LRRK1: variants seen among roughly 807,000 people sequenced by gnomAD.
LRRK1 encodes leucine-rich repeat serine/threonine-protein kinase 1.
LRRK1 carries 113 observed loss-of-function variants against 209.1 expected under a neutral mutation model. That is an observed-to-expected ratio of 0.54 (90% CI 0.46 to 0.63). LRRK1 has a LOEUF of 0.63. Among genes scored for constraint, LRRK1 ranks in the 30% least tolerant of loss-of-function variants. LRRK1 has a pLI of 0.00. For missense variants in LRRK1, 2,284 were observed against 2,632.2 expected, an observed-to-expected ratio of 0.87 and a Z score of 2.89; for synonymous variants, 1,144 against 1,099.7, an observed-to-expected ratio of 1.04 and a Z score of -0.80.
At chr15:100,921,104 C>G (rs1237432400) in intron 1 of LRRK1, among the ~76,000 whole-genome samples, 3 of 152,174 alleles carry the variant, frequency 2.0e-5, no homozygotes, top group African/African-American at 7.2e-5. Context: ...TTTAATTTCT[C>G]CTTAATTATC....
chr15:100,959,430 G>A (rs967925567), intron 2 of LRRK1, among the ~76,000 whole-genome samples: 1 of 152,212 alleles, frequency 6.6e-6, no homozygotes, highest in Non-Finnish European at 1.5e-5. Context: ...GAGGCAGCCC[G>A]CTGGGAAATT....
In LRRK1 at chr15:101,069,528, AC is replaced by A. The variant is rs2036707148; in HGVS notation, c.*683del. ...GCCCAGAGGCACACAGTCCGAGTGCACCCGCTTAGCCTTTACATTCCTCTCC... is the reference window on the plus strand; with the variant it reads ...GCCCAGAGGCACACAGTCCGAGTGCACCGCTTAGCCTTTACATTCCTCTCC... On this transcript the variant is annotated 3_prime_UTR_variant, in exon 34 of 34. Transcript: ENST00000388948. The A allele has an allele frequency of 6.6e-6, 1 of 152,620 alleles. No homozygotes were observed. Among genetic ancestry groups the A allele is most frequent in the Non-Finnish European group, 1.5e-5 (1 of 68,112 alleles). 9.5% of individuals were successfully genotyped at this position (152,620 alleles called of 1,614,324 possible).
chr15:100,989,200 T>A, intron 5 of LRRK1, 50 bp from the exon 6 acceptor site: 7 of 1,489,224 alleles, frequency 4.7e-6, no homozygotes, highest in South Asian at 3.5e-5. Context: ...TTCCAACGAC[T>A]GTGACACTAG....
rs551936542 is a variant in LRRK1, at chr15:100,978,294, C to T, written c.261+4327C>T. Among the ~76,000 whole-genome samples, 111 of 152,204 alleles carry T rather than the reference C, an allele frequency of 7.3e-4. 1 individual carries two copies. The highest frequency in any genetic ancestry group is 1.5e-3 in the Admixed American group (23 of 15,284). On this transcript the variant is annotated intron_variant, in intron 3 of 33. Transcript: ENST00000388948. ...TCCAACAGTCATGTCATCAGAATCCCGGGAGACTAGACAGAAGGCAAGACT... is the reference window on the plus strand; with the variant it reads ...TCCAACAGTCATGTCATCAGAATCCTGGGAGACTAGACAGAAGGCAAGACT...
chr15:100,979,844 C>T (rs927105978), intron 3 of LRRK1, among the ~76,000 whole-genome samples: 1 of 152,072 alleles, frequency 6.6e-6, no homozygotes, highest in African/African-American at 2.4e-5. Context: ...ACATCGTTAG[C>T]CATTAGGAAA....
intron 4 of LRRK1, among the ~76,000 whole-genome samples, chr15:100,984,199 A>T (rs1277694376): frequency 6.7e-6 from 1 of 148,204 alleles, no homozygotes; most frequent in Non-Finnish European, 1.5e-5. Flanking sequence ...AAGATGACGA[A>T]AACAAAGCTC....
chr15:100,974,256 C>T (rs1408783070), intron 3 of LRRK1: 5 of 323,052 alleles, frequency 1.5e-5, no homozygotes, highest in Non-Finnish European at 2.8e-5. Flanking sequence ...GCTTAACCTA[C>T]TCTATTCTTT....
intron 12 of LRRK1, among the ~76,000 whole-genome samples, chr15:101,016,021 G>A (rs556873380): frequency 2.0e-5 from 3 of 147,234 alleles, no homozygotes; most frequent in East Asian, 4.0e-4. Flanking sequence ...ACTGAGTCTC[G>A]CTCTGTCGCC....
chr15:101,030,354 A>G (rs2034227513), intron 20 of LRRK1, among the ~76,000 whole-genome samples: 1 of 151,952 alleles, frequency 6.6e-6, no homozygotes, highest in Non-Finnish European at 1.5e-5. Context: ...TGCCCAAGCC[A>G]TCAATTCAGC....
chr15:101,009,838 G>A (rs1459473441), intron 7 of LRRK1, among the ~76,000 whole-genome samples: 6 of 152,084 alleles, frequency 3.9e-5, no homozygotes, highest in African/African-American at 1.2e-4. Context: ...CGCCTGCCTC[G>A]GCCTCCCAAA....
In LRRK1 at chr15:101,077,075, C is replaced by T. The variant is rs2037012879; in HGVS notation, c.*8227C>T. The T allele has an allele frequency of 6.6e-6, 1 of 152,178 alleles. No homozygotes were observed. The highest frequency in any genetic ancestry group is 2.4e-5 in the African/African-American group (1 of 41,450). 9.4% of individuals were successfully genotyped at this position (152,178 alleles called of 1,614,324 possible). On this transcript the variant is annotated 3_prime_UTR_variant, in exon 34 of 34. Transcript: ENST00000388948. ...GAACGGACTAATGATCTTTTAAAAA[C>T]ACACCTCACCAAGCTCAGCCACCAA...
rs145538617 is a variant in LRRK1 at position 100,981,455 on chromosome 15, G to A, written c.262-2073G>A. ...ATCATATTGAATGTATGAGTCTACC[G>A]TCCTTCACCTGATCCCAGCCCCTTA... On this transcript the variant is annotated intron_variant, in intron 3 of 33. Coordinates refer to ENST00000388948, the MANE Select transcript of LRRK1 (RefSeq NM_024652.6). 1.1e-4 allele frequency among the ~76,000 whole-genome samples: 17 copies of A among 152,224 alleles called. No homozygotes were observed. In the East Asian group the frequency reaches 2.3e-3, roughly 21 times the overall value.
In LRRK1 at chr15:101,027,366, A is replaced by G. The variant is rs762236294; in HGVS notation, c.2511A>G (p.Arg837=). The G allele has an allele frequency of 6.2e-7, 1 of 1,613,762 alleles. No homozygotes were observed. Among genetic ancestry groups the G allele is most frequent in the South Asian group, 1.1e-5 (1 of 91,070 alleles). The part of the protein sequence containing the change: ...KDVGSTIGCQ[R]LAGRLIPRSY... ...TGGGCAGCACCATCGGCTGCCAGCG[A>G]CTGGCAGGGCGGCTGGTGGGTACCT... Residue 837 remains arginine, a synonymous_variant, in exon 18 of 34, where the codon CGA becomes CGG. Transcript: ENST00000388948. This position sits in a 1 kb window ranked among gnomAD's most constrained non-coding sequence, Gnocchi z 5.1.
chr15:100,983,751 A>G (rs1426118653), intron 4 of LRRK1, 52 bp downstream of exon 4: 1 of 1,526,244 alleles, frequency 6.6e-7, no homozygotes, highest in African/African-American at 1.4e-5. Context: ...CCCTCTTCTT[A>G]GGCTTCACCC....
Position 101,074,238 on chromosome 15 carries a change from G to A in LRRK1, c.*5390G>A, listed in dbSNP as rs1037269835. 1.3e-5 allele frequency: 2 copies of A among 152,044 alleles called. No homozygotes were observed. The highest frequency in any genetic ancestry group is 2.1e-4 in the South Asian group (1 of 4,814). 9.4% of individuals were successfully genotyped at this position (152,044 alleles called of 1,614,324 possible). The stretch of plus-strand genomic sequence containing the variant: ...GGCTGCTCCTTGCCAGGCCGAGCTA[G>A]GTCCCAATTCTTCCTCAGCCTCCGC... On this transcript the variant is annotated 3_prime_UTR_variant, in exon 34 of 34. Transcript: ENST00000388948.
chr15:100,986,653 C>T (rs1316754921), intron 4 of LRRK1, among the ~76,000 whole-genome samples: 3 of 152,292 alleles, frequency 2.0e-5, no homozygotes, highest in South Asian at 2.1e-4. Flanking sequence ...GGCACAATGC[C>T]GAAAACCTGG....
In LRRK1 at chr15:101,053,041, A is replaced by G; in HGVS notation, c.3809A>G (p.Lys1270Arg). 6.2e-7 allele frequency: 1 copy of G among 1,612,772 alleles called. No individual in the cohort carries two copies. Among genetic ancestry groups the G allele is most frequent in the Non-Finnish European group, 8.5e-7 (1 of 1,179,152 alleles). Residue 1270 changes from lysine to arginine, a missense_variant, in exon 25 of 34, where the codon AAG becomes AGG. Lys to Arg is a conservative substitution (Grantham distance 26, BLOSUM62 2). Around this residue, in one of 6 missense-constraint regions of LRRK1, gnomAD observed 780 missense variants for 985.2 expected, o/e 0.79. Coordinates refer to ENST00000388948, the MANE Select transcript of LRRK1 (RefSeq NM_024652.6). ...ARYQGQPVAV[K>R]RFHIKKFKNF... ...TACCAGGGCCAGCCTGTGGCCGTCA[A>G]GCGCTTCCACATCAAAAAATTCAAG...
intron 7 of LRRK1, 138 bp downstream of exon 7, chr15:101,009,201 C>G (rs557751943): frequency 1.4e-6 from 1 of 692,472 alleles, no homozygotes; most frequent in African/African-American, 1.8e-5. Context: ...TTTTGCCTAC[C>G]CTGAGGCAAG....
At chr15:101,062,249 G>A (rs766689044) in intron 30 of LRRK1, 21 of 248,416 alleles carry the variant, frequency 8.5e-5, no homozygotes, top group Admixed American at 2.1e-4. Context: ...GCATTGCGGC[G>A]TGAGTCCACT....
Sources: gnomAD v4.1 joint callset for allele counts (sites outside exome capture counted in the v4.1 genomes callset) on GRCh38, gnomAD v4.1.1 for gene constraint, gnomAD v4.1.1 regional missense constraint, Gnocchi (gnomAD v3.1) non-coding constraint, MANE v1.5 for transcripts, NCBI Gene and HGNC (gene_info 2026-07-23, HGNC 2026-07-21) for gene names.